Variants in AAMP observed in about 807,000 individuals in gnomAD.
AAMP encodes the protein angio-associated migratory cell protein.
A neutral mutation model predicts 51.1 loss-of-function variants in AAMP; 12 were observed. The observed-to-expected ratio is 0.23, with a 90% CI of 0.15 to 0.38. The LOEUF (loss-of-function observed/expected upper bound fraction) is 0.38. AAMP is among the 10% of genes least tolerant of loss of function. AAMP has a pLI of 1.00. For missense variants in AAMP, 418 were observed against 557.2 expected, an observed-to-expected ratio of 0.75 and a Z score of 2.52; for synonymous variants, 210 against 218.7, an observed-to-expected ratio of 0.96 and a Z score of 0.35.
intron 10 of AAMP, 29 bp from the exon 11 acceptor site, chr2:218,264,637 G>A (rs1690577171): frequency 6.2e-7 from 1 of 1,606,474 alleles, no homozygotes; most frequent in African/African-American, 1.3e-5. Flanking sequence ...TGATTGCAGA[G>A]ACTGGGGGAC....
chr2:218,269,753 GGT>G, intron 1 of AAMP: 1 of 986,478 alleles, frequency 1.0e-6, no homozygotes, highest in Non-Finnish European at 1.5e-6. Context: ...ATGGGAAGGG[GGT>G]GTGTGAGGGG....
Position 218,267,673 on chromosome 2 carries a change from T to G in AAMP, c.275-60A>C. The G allele has an allele frequency of 6.3e-7, 1 of 1,595,972 alleles. No homozygotes were observed. The highest frequency in any genetic ancestry group is 8.6e-7 in the Non-Finnish European group (1 of 1,165,714). On this transcript the variant is annotated intron_variant, in intron 2 of 10. Transcript: ENST00000248450. The surrounding 1 kb of genome is among the most constrained non-coding windows in gnomAD (Gnocchi z 4.6). Reference sequence around the variant, plus strand: ...GAGCTCCCACCTAGGGCTCTGTCCTTCACAATCTTCAGGAAACCCACCCCC... The same window carrying G: ...GAGCTCCCACCTAGGGCTCTGTCCTGCACAATCTTCAGGAAACCCACCCCC...
intron 1 of AAMP, chr2:218,269,750 G>A: frequency 1.0e-6 from 1 of 995,826 alleles, no homozygotes; most frequent in Non-Finnish European, 1.5e-6. Flanking sequence ...ATGATGGGAA[G>A]GGGGTGTGTG....
In AAMP at chr2:218,264,567, G is replaced by A. The variant is rs373140336; in HGVS notation, c.1271C>T (p.Ala424Val). Residue 424 changes from alanine to valine, a missense_variant, in exon 11 of 11, where the codon GCG becomes GTG. Transcript: ENST00000248450. ...LVVTTSGDHK[A>V]KVFCVQRPDR ...AGGCCTTTGGACACAAAATACTTTCGCTTTGTGGTCTCCTGACGTGGTCAC... is the reference window on the plus strand; with the variant it reads ...AGGCCTTTGGACACAAAATACTTTCACTTTGTGGTCTCCTGACGTGGTCAC... The A allele has an allele frequency of 6.2e-6, 10 of 1,613,980 alleles. No homozygotes were observed. The highest frequency in any genetic ancestry group is 1.7e-5 in the Admixed American group (1 of 59,992).
Position 218,267,112 on chromosome 2 carries a change from G to A in AAMP, c.395-126C>T. 8.9e-7 allele frequency: 1 copy of A among 1,121,484 alleles called. No homozygotes were observed. The highest frequency in any genetic ancestry group is 1.5e-5 in the South Asian group (1 of 65,494). 69.5% of individuals were successfully genotyped at this position (1,121,484 alleles called of 1,614,324 possible). ...AAAAAAAGAGGGGCGGGACTGAGCA[G>A]AACAGGTGCTGGAACTCACCACCAC... On this transcript the variant is annotated intron_variant, in intron 3 of 10. Coordinates refer to ENST00000248450, the MANE Select transcript of AAMP (RefSeq NM_001087.5). This position sits in a 1 kb window ranked among gnomAD's most constrained non-coding sequence, Gnocchi z 4.6.
Position 218,270,132 on chromosome 2 carries a change from A to C in AAMP, c.-46T>G. On this transcript the variant is annotated 5_prime_UTR_variant, in exon 1 of 11. Transcript: ENST00000248450. ...ACTTCTCTGGGCCCAAACGCCTCCC[A>C]GAGTCAGCTCTGCGCGACGACGCGG... The C allele has an allele frequency of 1.2e-6, 2 of 1,607,330 alleles. No homozygotes were observed. Among genetic ancestry groups the C allele is most frequent in the South Asian group, 2.2e-5 (2 of 90,474 alleles).
chr2:218,266,054 C>T lies in AAMP; in HGVS notation c.763+10G>A, dbSNP rs749542172. 3 of 1,613,922 alleles carry T rather than the reference C, an allele frequency of 1.9e-6. No individual in the cohort carries two copies. The highest frequency in any genetic ancestry group is 1.3e-5 in the African/African-American group (1 of 74,930). ...AAGGCCCAGGCTAACACTTCCCCCA[C>T]CTCTGATACCTTTCAGTACATGGAT... On this transcript the variant is annotated intron_variant, in intron 6 of 10. Transcript: ENST00000248450. This position sits in a 1 kb window ranked among gnomAD's most constrained non-coding sequence, Gnocchi z 4.7.
Position 218,267,459 on chromosome 2 carries a change from T to C in AAMP, c.394+35A>G, listed in dbSNP as rs1690660925. The C allele has an allele frequency of 1.9e-6, 3 of 1,611,180 alleles. No individual in the cohort carries two copies. Among genetic ancestry groups the C allele is most frequent in the South Asian group, 1.1e-5 (1 of 90,898 alleles). On this transcript the variant is annotated intron_variant, in intron 3 of 10. Transcript: ENST00000248450. The surrounding 1 kb of genome is among the most constrained non-coding windows in gnomAD (Gnocchi z 4.6). ...CCTCCTAAGATCTCCCAAAAGAATA[T>C]GACCTCTCCCAGGCCTCTACCCCAG...
intron 2 of AAMP, among the ~76,000 whole-genome samples, chr2:218,268,847 C>G (rs959719042): frequency 2.0e-5 from 3 of 151,912 alleles, no homozygotes. Context: ...TACAGGCGCC[C>G]GCTACCACGC....
In AAMP at chr2:218,269,407, G is replaced by C; in HGVS notation, c.249C>G (p.Ser83Arg). The part of the protein sequence containing the change: ...VVGSMEGPDD[S>R]EVTFALHSAS... The stretch of plus-strand genomic sequence containing the variant: ...CTGAGTGCAATGCAAAGGTGACCTC[G>C]CTATCGTCGGGGCCCTCCATGCTGC... Residue 83 changes from serine to arginine, a missense_variant, in exon 2 of 11, where the codon AGC becomes AGG. By Grantham distance (110) the Ser-to-Arg change is moderately radical. Coordinates refer to ENST00000248450, the MANE Select transcript of AAMP (RefSeq NM_001087.5). 6.2e-7 allele frequency: 1 copy of C among 1,614,106 alleles called. No individual in the cohort carries two copies. The highest frequency in any genetic ancestry group is 1.7e-4 in the Middle Eastern group (1 of 6,020).
intron 10 of AAMP, among the ~76,000 whole-genome samples, 170 bp downstream of exon 10, chr2:218,264,850 C>T (rs911619833): frequency 1.1e-4 from 16 of 152,190 alleles, no homozygotes; most frequent in African/African-American, 3.9e-4. Flanking sequence ...CGTGGGGCCC[C>T]GGAGGGTCAC....
rs1417772506 is a variant in AAMP, at chr2:218,266,911, A to C, written c.470T>G (p.Leu157Arg). ...AGTGTCCACCTGCCACACTTTCAAG[A>C]GGCCACTCATGTCCCCTGTGGCCAC... ...TLVATGDMSG[L>R]LKVWQVDTKE... The change falls in exon 4 of 11, where the codon CTC becomes CGC. Residue 157 changes from leucine (L) to arginine (R), a missense_variant. Transcript: ENST00000248450. The surrounding 1 kb of genome is among the most constrained non-coding windows in gnomAD (Gnocchi z 4.7). 1.9e-6 allele frequency: 3 copies of C among 1,614,202 alleles called. No individual in the cohort carries two copies. The highest frequency in any genetic ancestry group is 2.5e-6 in the Non-Finnish European group (3 of 1,180,028).
In AAMP at chr2:218,265,286, A is replaced by T. The variant is rs1690596842; in HGVS notation, c.1074+85T>A. The T allele has an allele frequency of 6.5e-7, 1 of 1,545,062 alleles. No individual in the cohort carries two copies. Among genetic ancestry groups the T allele is most frequent in the African/African-American group, 1.4e-5 (1 of 73,390 alleles). ...CACACAAGGGCCAGGCAGGAGCCAG[A>T]TCTGGGGTAGATGCTCCTGGAGGCC... On this transcript the variant is annotated intron_variant, in intron 9 of 10. Transcript: ENST00000248450. This position sits in a 1 kb window ranked among gnomAD's most constrained non-coding sequence, Gnocchi z 6.6.
rs370355877 is a variant in AAMP, at chr2:218,268,089, C to T, written c.275-476G>A. On this transcript the variant is annotated intron_variant, in intron 2 of 10. Transcript: ENST00000248450. ...GTTCAAGCAATTCTCCTGCCTCAGC[C>T]CCCTGAGTAGCTGGGATTACAGGCG... Among the ~76,000 whole-genome samples the T allele has an allele frequency of 1.4e-4, 21 of 151,902 alleles. No homozygotes were observed. The East Asian group carries it at 4.1e-3, about 29-fold the overall frequency.
In AAMP at chr2:218,267,895, TAC is replaced by T. The variant is rs777299465; in HGVS notation, c.275-284_275-283del. Among the ~76,000 whole-genome samples, 2 of 152,198 alleles carry T rather than the reference TAC, an allele frequency of 1.3e-5. No homozygotes were observed. Among genetic ancestry groups the T allele is most frequent in the African/African-American group, 2.4e-5 (1 of 41,442 alleles). ...AAGAGGTGGGGACAGGTGCAGGGCT[TAC>T]AGTTGTCAGCATGGGATGCCACCGG... On this transcript the variant is annotated intron_variant, in intron 2 of 10. Coordinates refer to ENST00000248450, the MANE Select transcript of AAMP (RefSeq NM_001087.5). This position sits in a 1 kb window ranked among gnomAD's most constrained non-coding sequence, Gnocchi z 4.6.
At position 218,264,488 on chromosome 2, in the gene AAMP, C is replaced by T. The variant is rs1690570236; in HGVS notation, c.*45G>A. ...CTGCTGGCAGACAGGGGCAGGGGTCCCTTCGTCCCCTCAACACCAGACACA... is the reference window on the plus strand; with the variant it reads ...CTGCTGGCAGACAGGGGCAGGGGTCTCTTCGTCCCCTCAACACCAGACACA... On this transcript the variant is annotated 3_prime_UTR_variant, in exon 11 of 11. Coordinates refer to ENST00000248450, the MANE Select transcript of AAMP (RefSeq NM_001087.5). The T allele has an allele frequency of 6.3e-7, 1 of 1,576,416 alleles. No individual in the cohort carries two copies. The highest frequency in any genetic ancestry group is 8.7e-7 in the Non-Finnish European group (1 of 1,145,902).
Position 218,264,196 on chromosome 2 carries a change from C to CCG in AAMP, c.*336_*337insCG. On this transcript the variant is annotated 3_prime_UTR_variant, in exon 11 of 11. Coordinates refer to ENST00000248450, the MANE Select transcript of AAMP (RefSeq NM_001087.5). ...AGTATCTCTTCCTCCTTTCCACCCC[C>CCG]AGAGACTTGGGAAGGGAAAGAACGG... The CCG allele has an allele frequency of 2.6e-6, 1 of 384,518 alleles. No homozygotes were observed. The highest frequency in any genetic ancestry group is 4.1e-5 in the Admixed American group (1 of 24,242). The allele number at this position is 384,518 out of a possible 1,614,324, so 23.8% of individuals were successfully genotyped here. A position where few individuals can be genotyped will look rare whatever the true frequency, so the allele number is the denominator to read the frequency against.
intron 1 of AAMP, 191 bp from the exon 2 acceptor site, chr2:218,269,725 G>T: frequency 9.1e-7 from 1 of 1,094,076 alleles, no homozygotes; most frequent in Non-Finnish European, 1.3e-6. Flanking sequence ...CGTGCGGTAA[G>T]GGAGGGCCAA....
At position 218,264,896 on chromosome 2, in the gene AAMP, CT is replaced by C. The variant is rs1690585109; in HGVS notation, c.1229+123del. 7 of 1,499,058 alleles carry C rather than the reference CT, an allele frequency of 4.7e-6. No individual in the cohort carries two copies. The Admixed American group carries it at 5.0e-5, about 11-fold the overall frequency. 92.9% of individuals were successfully genotyped at this position (1,499,058 alleles called of 1,614,324 possible). ...TGGAATGGGGGCTGGGCTGTGAACC[CT>C]CAGGCTTCTCTGCATTCCTGCCTTA... On this transcript the variant is annotated intron_variant, in intron 10 of 10. Transcript: ENST00000248450.
Sources: gnomAD v4.1 joint callset for allele counts (sites outside exome capture counted in the v4.1 genomes callset) on GRCh38, gnomAD v4.1.1 for gene constraint, Gnocchi (gnomAD v3.1) non-coding constraint, MANE v1.5 for transcripts, NCBI Gene and HGNC (gene_info 2026-07-23, HGNC 2026-07-21) for gene names.